Variants in UPF2 observed in about 807,000 individuals in gnomAD.
The protein encoded by UPF2 is UPF2 regulator of nonsense mediated mRNA decay.
In UPF2, 17 loss-of-function variants were observed where a neutral mutation model predicts 141.4. That is an observed-to-expected ratio of 0.12 (90% CI 0.08 to 0.18). The LOEUF (loss-of-function observed/expected upper bound fraction) is 0.18, where lower values mean the gene tolerates loss of function less well. Ranked by LOEUF, UPF2 falls within the 10% of genes least tolerant of loss-of-function variation. The pLI, the probability that UPF2 is intolerant of heterozygous loss-of-function variation, is 1.00. For missense variants in UPF2, 1,152 were observed against 1,515.9 expected (o/e 0.76, Z 3.99); for synonymous variants, 540 against 498.0 (o/e 1.08, Z -1.12).
intron 3 of UPF2, chr10:12,026,641 A>G: frequency 2.2e-6 from 1 of 448,298 alleles, no homozygotes; most frequent in Non-Finnish European, 4.4e-6. Flanking sequence ...GAAAATTCCT[A>G]TAAACTTTTT....
Position 11,980,386 on chromosome 10 carries a change from G to C in UPF2, c.1845-1221C>G, listed in dbSNP as rs759904600. 6.6e-6 allele frequency among the ~76,000 whole-genome samples: 1 copy of C among 152,102 alleles called. No individual in the cohort carries two copies. The highest frequency in any genetic ancestry group is 2.1e-4 in the South Asian group (1 of 4,832). Reference sequence around the variant, plus strand: ...AGCTAAAAACTATAAAATTACAAGAGCTTAAAAATTATGACAGCTTGAAGC... The same window carrying C: ...AGCTAAAAACTATAAAATTACAAGACCTTAAAAATTATGACAGCTTGAAGC... On this transcript the variant is annotated intron_variant, in intron 8 of 21. Transcript: ENST00000357604. This position sits in a 1 kb window ranked among gnomAD's most constrained non-coding sequence, Gnocchi z 4.2.
intron 3 of UPF2, chr10:12,026,797 G>A: frequency 2.6e-6 from 1 of 381,834 alleles, no homozygotes; most frequent in Non-Finnish European, 5.1e-6. Flanking sequence ...GGATTACCGG[G>A]GCCTGCCACC....
rs1283120022 is a variant in UPF2 at position 12,019,989 on chromosome 10, C to T, written c.1146-5805G>A. On this transcript the variant is annotated intron_variant, in intron 3 of 21. Coordinates refer to ENST00000357604, the MANE Select transcript of UPF2 (RefSeq NM_015542.4). This position sits in a 1 kb window ranked among gnomAD's most constrained non-coding sequence, Gnocchi z 4.5. The stretch of plus-strand genomic sequence containing the variant: ...ATCTGCCCACCTCAGCCTCCCAAAC[C>T]GCTGGGATTACAGGCATGAGCCACC... 2.6e-5 allele frequency among the ~76,000 whole-genome samples: 4 copies of T among 151,910 alleles called. No homozygotes were observed. Among genetic ancestry groups the T allele is most frequent in the Admixed American group, 1.3e-4 (2 of 15,246 alleles).
Position 12,016,304 on chromosome 10 carries a change from T to A in UPF2, c.1146-2120A>T, listed in dbSNP as rs1834219108. Among the ~76,000 whole-genome samples, 2 of 151,986 alleles carry A rather than the reference T, an allele frequency of 1.3e-5. No individual in the cohort carries two copies. The highest frequency in any genetic ancestry group is 1.3e-4 in the Admixed American group (2 of 15,242). ...GTCTCAAACTCCTGGCCTCAAGCAA[T>A]CCTCCCACCTCAAACTCCCAAAATG... On this transcript the variant is annotated intron_variant, in intron 3 of 21. Transcript: ENST00000357604. This position sits in a 1 kb window ranked among gnomAD's most constrained non-coding sequence, Gnocchi z 4.1.
chr10:11,995,577 G>C (rs1833852395), intron 8 of UPF2, among the ~76,000 whole-genome samples: 1 of 152,086 alleles, frequency 6.6e-6, no homozygotes, highest in Non-Finnish European at 1.5e-5. Flanking sequence ...GAAGTCAGGA[G>C]CTCAAGATCA....
intron 3 of UPF2, chr10:12,026,669 G>C (rs1338576515): frequency 5.3e-6 from 2 of 375,570 alleles, no homozygotes; most frequent in Admixed American, 6.3e-5. Context: ...TTTTTTTTTA[G>C]GACGAAGTCT....
At chr10:11,930,008 A>G in intron 20 of UPF2, 23 bp from the exon 21 acceptor site, 1 of 1,614,064 alleles carries the variant, frequency 6.2e-7, no homozygotes, top group Non-Finnish European at 8.5e-7. Context: ...GCAAAAAAAG[A>G]GAATGCTGTT....
chr10:12,008,160 A>C (rs1834066722), intron 4 of UPF2, among the ~76,000 whole-genome samples: 1 of 151,968 alleles, frequency 6.6e-6, no homozygotes, highest in African/African-American at 2.4e-5. Context: ...TTTATAAATC[A>C]ATTTTTTAAA....
At chr10:12,039,556 C>T (rs1444774003) in intron 1 of UPF2, among the ~76,000 whole-genome samples, 2 of 151,658 alleles carry the variant, frequency 1.3e-5, no homozygotes, top group Non-Finnish European at 2.9e-5. Context: ...CAACAAGTAA[C>T]ATTTCAGGAC....
At chr10:12,022,237 C>A (rs1251899305) in intron 3 of UPF2, among the ~76,000 whole-genome samples, 2 of 151,800 alleles carry the variant, frequency 1.3e-5, no homozygotes, top group African/African-American at 4.8e-5. Context: ...CATGGTGAAA[C>A]CCTGTCTCTT....
rs1384660037 is a variant in UPF2 at position 12,014,017 on chromosome 10, C to T, written c.1306+7G>A. On this transcript the variant is annotated splice_region_variant and intron_variant, in intron 4 of 21. Coordinates refer to ENST00000357604, the MANE Select transcript of UPF2 (RefSeq NM_015542.4). The surrounding 1 kb of genome is among the most constrained non-coding windows in gnomAD (Gnocchi z 5.0). ...ACACAATGTTTGTTTTTAAGGATAT[C>T]TCTTACCTTCTGGTGTTGGTTTGTC... 6.5e-7 allele frequency: 1 copy of T among 1,535,282 alleles called. No homozygotes were observed. Among genetic ancestry groups the T allele is most frequent in the East Asian group, 2.4e-5 (1 of 41,490 alleles).
intron 2 of UPF2, among the ~76,000 whole-genome samples, chr10:12,031,001 C>T (rs886069282): frequency 2.0e-5 from 3 of 151,080 alleles, no homozygotes; most frequent in Admixed American, 6.6e-5. Context: ...AGTGAAACCC[C>T]GTCTCTACTA....
At chr10:11,966,762 G>A (rs1833328196) in intron 10 of UPF2, among the ~76,000 whole-genome samples, 1 of 152,318 alleles carries the variant, frequency 6.6e-6, no homozygotes, top group South Asian at 2.1e-4. Context: ...TGTCAAAAGT[G>A]TTACAGGTTG....
At chr10:12,008,989 G>A (rs1023758432) in intron 4 of UPF2, among the ~76,000 whole-genome samples, 1 of 151,968 alleles carries the variant, frequency 6.6e-6, no homozygotes, top group Admixed American at 6.6e-5. Context: ...ATGGCTTCCA[G>A]CTTCATCCAT....
At position 11,991,293 on chromosome 10, in the gene UPF2, T is replaced by C. The variant is rs144591950; in HGVS notation, c.1844+6379A>G. On this transcript the variant is annotated intron_variant, in intron 8 of 21. Coordinates refer to ENST00000357604, the MANE Select transcript of UPF2 (RefSeq NM_015542.4). The stretch of plus-strand genomic sequence containing the variant: ...AGAGGGAAAAGACTTTGCAGAATGT[T>C]GAGTAAGAAAAAGACAACACTGAAA... Among the ~76,000 whole-genome samples, 235 of 152,118 alleles carry C rather than the reference T, an allele frequency of 1.5e-3. 1 individual carries two copies. Among genetic ancestry groups the C allele is most frequent in the African/African-American group, 5.2e-3 (217 of 41,496 alleles).
chr10:12,015,425 G>A (rs185490276), intron 3 of UPF2, among the ~76,000 whole-genome samples: 1 of 152,324 alleles, frequency 6.6e-6, no homozygotes, highest in East Asian at 1.9e-4. Context: ...AATTCGGCCA[G>A]GCATGGTGAC....
At chr10:11,991,704 C>A (rs1833783317) in intron 8 of UPF2, among the ~76,000 whole-genome samples, 1 of 152,188 alleles carries the variant, frequency 6.6e-6, no homozygotes. Context: ...GTGACACCTA[C>A]ATGATATTTA....
In UPF2 at chr10:11,956,222, A is replaced by AT; in HGVS notation, c.2574+97dup. ...ATTATCAGCTTTTTCTAACTAATAA[A>AT]TTTACAGATTCCTATAACTTGAGTC... On this transcript the variant is annotated intron_variant, in intron 13 of 21. Transcript: ENST00000357604. This position sits in a 1 kb window ranked among gnomAD's most constrained non-coding sequence, Gnocchi z 4.2. The AT allele has an allele frequency of 9.0e-7, 1 of 1,110,128 alleles. No homozygotes were observed. Among genetic ancestry groups the AT allele is most frequent in the African/African-American group, 1.6e-5 (1 of 63,184 alleles). 68.8% of individuals were successfully genotyped at this position (1,110,128 alleles called of 1,614,324 possible).
intron 3 of UPF2, among the ~76,000 whole-genome samples, chr10:12,018,168 C>A (rs181465403): frequency 6.6e-6 from 1 of 152,280 alleles, no homozygotes; most frequent in East Asian, 1.9e-4. Flanking sequence ...TAAGGATCGG[C>A]CAGGCACAGC....
Sources: gnomAD v4.1 joint callset for allele counts (sites outside exome capture counted in the v4.1 genomes callset) on GRCh38, gnomAD v4.1.1 for gene constraint, Gnocchi (gnomAD v3.1) non-coding constraint, MANE v1.5 for transcripts, NCBI Gene and HGNC (gene_info 2026-07-23, HGNC 2026-07-21) for gene names.